Variants in PCCA observed in about 807,000 individuals in gnomAD.
PCCA encodes the protein propionyl-CoA carboxylase alpha chain, mitochondrial.
A neutral mutation model predicts 101.3 loss-of-function variants in PCCA; 74 were observed. That is an observed-to-expected ratio of 0.73 (90% CI 0.61 to 0.89). PCCA has a LOEUF of 0.89. PCCA is among the 40% of genes least tolerant of loss of function. PCCA has a pLI of 0.00. For missense variants in PCCA, 891 were observed against 907.0 expected (o/e 0.98, Z 0.23); for synonymous variants, 294 against 313.6 (o/e 0.94, Z 0.66).
chr13:100,275,397 G>A (rs1328804096), intron 12 of PCCA, among the ~76,000 whole-genome samples: 1 of 152,142 alleles, frequency 6.6e-6, no homozygotes, highest in Non-Finnish European at 1.5e-5. Context: ...CCAGCCGTGG[G>A]GAAGCTGATG....
In PCCA at chr13:100,102,906, G is replaced by A. The variant is rs2047400760; in HGVS notation, c.129G>A (p.Gln43=). 2 of 1,611,996 alleles carry A rather than the reference G, an allele frequency of 1.2e-6. No individual in the cohort carries two copies. Among genetic ancestry groups the A allele is most frequent in the African/African-American group, 2.7e-5 (2 of 74,902 alleles). ...AGCATGTTCTGTACTATTCAAGACAGTGCTTAATGGTGTCCCGTAATCTTG... is the reference window on the plus strand; with the variant it reads ...AGCATGTTCTGTACTATTCAAGACAATGCTTAATGGTGTCCCGTAATCTTG... ...TLKHVLYYSR[Q]CLMVSRNLGS... Residue 43 remains glutamine (Q), a synonymous_variant, in exon 2 of 24, where the codon CAG becomes CAA. Transcript: ENST00000376285.
chr13:100,408,380 GA>G (rs1331416880), intron 19 of PCCA, among the ~76,000 whole-genome samples: 2 of 152,160 alleles, frequency 1.3e-5, no homozygotes, highest in Non-Finnish European at 2.9e-5. Context: ...TTTACATTTT[GA>G]CAACATCTGC....
intron 21 of PCCA, among the ~76,000 whole-genome samples, chr13:100,450,995 A>G (rs1451361980): frequency 2.0e-5 from 3 of 152,218 alleles, no homozygotes; most frequent in African/African-American, 2.4e-5. Flanking sequence ...GGCTCAAGCA[A>G]TTGTGGAGGC....
At chr13:100,188,090 C>G (rs1010830313) in intron 6 of PCCA, among the ~76,000 whole-genome samples, 1 of 152,108 alleles carries the variant, frequency 6.6e-6, no homozygotes, top group Non-Finnish European at 1.5e-5. Flanking sequence ...GTCAAGAGAT[C>G]GAGACCACCC....
intron 21 of PCCA, among the ~76,000 whole-genome samples, chr13:100,460,932 C>G (rs1188436739): frequency 6.6e-6 from 1 of 152,148 alleles, no homozygotes; most frequent in African/African-American, 2.4e-5. Flanking sequence ...TAAATGGATG[C>G]TGTGCTGATA....
intron 19 of PCCA, among the ~76,000 whole-genome samples, chr13:100,386,845 TAAC>T (rs1426776781): frequency 6.6e-6 from 1 of 152,210 alleles, no homozygotes; most frequent in Non-Finnish European, 1.5e-5. Flanking sequence ...GCTGACTCCA[TAAC>T]AAGTGAGAAG....
At chr13:100,389,961 T>C (rs1303642943) in intron 19 of PCCA, among the ~76,000 whole-genome samples, 4 of 151,998 alleles carry the variant, frequency 2.6e-5, no homozygotes, top group South Asian at 2.1e-4. Context: ...TGATGGAGAA[T>C]AGGTTTGGAG....
intron 8 of PCCA, among the ~76,000 whole-genome samples, chr13:100,246,622 C>G (rs554167273): frequency 1.3e-5 from 2 of 151,926 alleles, no homozygotes; most frequent in South Asian, 4.2e-4. Flanking sequence ...GCCACCATGC[C>G]AAGCCTAGTG....
intron 12 of PCCA, among the ~76,000 whole-genome samples, chr13:100,277,135 G>A (rs886955765): frequency 4.6e-5 from 7 of 152,036 alleles, no homozygotes; most frequent in Non-Finnish European, 8.8e-5. Flanking sequence ...TACACAGCCC[G>A]GTTGCAGTTC....
At position 100,258,745 on chromosome 13, in the gene PCCA, C is replaced by G. The variant is rs538451656; in HGVS notation, c.716+1072C>G. Among the ~76,000 whole-genome samples, 104 of 152,266 alleles carry G rather than the reference C, an allele frequency of 6.8e-4. 1 individual carries two copies. Among genetic ancestry groups the G allele is most frequent in the African/African-American group, 2.3e-3 (96 of 41,542 alleles). On this transcript the variant is annotated intron_variant, in intron 9 of 23. Coordinates refer to ENST00000376285, the MANE Select transcript of PCCA (RefSeq NM_000282.4). ...ATTTTGAGAAATCACTATATCCATT[C>G]ATATATTAGGCATCATTTTGTAAAT...
chr13:100,411,845 A>G (rs1283284), intron 19 of PCCA, among the ~76,000 whole-genome samples: 9,083 of 152,138 alleles, frequency 0.06, 826 homozygotes, highest in African/African-American at 0.2. Flanking sequence ...TTACCTCCCA[A>G]AGGTCCTGTC....
chr13:100,425,713 C>T lies in PCCA; in HGVS notation c.1827C>T (p.Gly609=). The T allele has an allele frequency of 6.2e-7, 1 of 1,612,592 alleles. No homozygotes were observed. Among genetic ancestry groups the T allele is most frequent in the Non-Finnish European group, 8.5e-7 (1 of 1,178,602 alleles). Residue 609 remains glycine (G), a synonymous_variant, in exon 20 of 24, where the codon GGC becomes GGT. Transcript: ENST00000376285. ...ASPLLSVSVD[G]TQRTVQCLSR... ...CCTTATTGTCTGTCAGCGTTGATGGCACTCAGAGGACTGTCCAGGTGAGTG... is the reference window on the plus strand; with the variant it reads ...CCTTATTGTCTGTCAGCGTTGATGGTACTCAGAGGACTGTCCAGGTGAGTG...
At chr13:100,380,403 G>A (rs1042847549) in intron 19 of PCCA, among the ~76,000 whole-genome samples, 4 of 152,084 alleles carry the variant, frequency 2.6e-5, no homozygotes, top group Non-Finnish European at 5.9e-5. Flanking sequence ...TCCAGAATTG[G>A]ATAAATCATA....
chr13:100,468,723 A>G (rs924924259), intron 21 of PCCA, among the ~76,000 whole-genome samples: 2 of 152,026 alleles, frequency 1.3e-5, no homozygotes, highest in African/African-American at 2.4e-5. Flanking sequence ...TTGATTGTCT[A>G]TGGAGACCAC....
intron 4 of PCCA, among the ~76,000 whole-genome samples, chr13:100,135,011 C>T (rs992601805): frequency 2.7e-5 from 4 of 150,214 alleles, no homozygotes; most frequent in South Asian, 4.3e-4. Flanking sequence ...CAAATAGCTC[C>T]CAACTGTAGG....
chr13:100,301,311 C>A, intron 12 of PCCA, 149 bp from the exon 13 acceptor site: 1 of 749,456 alleles, frequency 1.3e-6, no homozygotes, highest in Non-Finnish European at 2.3e-6. Context: ...CATTTTATTC[C>A]CCTAGCTCAA....
chr13:100,189,399 T>C (rs1259195174), intron 6 of PCCA, among the ~76,000 whole-genome samples: 1 of 152,240 alleles, frequency 6.6e-6, no homozygotes, highest in Admixed American at 6.5e-5. Flanking sequence ...TTTGAGTATA[T>C]GCCCAGTAAT....
At chr13:100,397,730 G>A (rs2077116259) in intron 19 of PCCA, among the ~76,000 whole-genome samples, 1 of 152,200 alleles carries the variant, frequency 6.6e-6, no homozygotes, top group Middle Eastern at 3.4e-3. Context: ...TTGTGGCAGC[G>A]TGGTAATGGG....
intron 12 of PCCA, among the ~76,000 whole-genome samples, chr13:100,292,217 A>G (rs2065180026): frequency 6.6e-6 from 1 of 152,220 alleles, no homozygotes; most frequent in Non-Finnish European, 1.5e-5. Flanking sequence ...GTGAGATTCA[A>G]AATTGTAAAA....
Sources: gnomAD v4.1 joint callset for allele counts (sites outside exome capture counted in the v4.1 genomes callset) on GRCh38, gnomAD v4.1.1 for gene constraint, MANE v1.5 for transcripts, NCBI Gene and HGNC (gene_info 2026-07-23, HGNC 2026-07-21) for gene names.